Variants in BMP6 observed in about 807,000 individuals in gnomAD.
BMP6 encodes the protein bone morphogenetic protein 6, also known as VG-1-R.
A neutral mutation model predicts 54.1 loss-of-function variants in BMP6; 17 were observed. The observed-to-expected ratio is 0.31, with a 90% CI of 0.22 to 0.47. The LOEUF is 0.47. Among genes scored for constraint, BMP6 ranks in the 20% least tolerant of loss-of-function variants. BMP6 has a pLI of 1.00. For missense variants in BMP6, 720 were observed against 690.4 expected, an observed-to-expected ratio of 1.04 and a Z score of -0.48; for synonymous variants, 328 against 291.2, an observed-to-expected ratio of 1.13 and a Z score of -1.28.
At chr6:7,782,353 CAG>C (rs1757960750) in intron 1 of BMP6, among the ~76,000 whole-genome samples, 1 of 152,138 alleles carries the variant, frequency 6.6e-6, no homozygotes, top group Non-Finnish European at 1.5e-5. Context: ...CTTTGGTTGA[CAG>C]AGTTCTGGAG....
intron 1 of BMP6, among the ~76,000 whole-genome samples, chr6:7,741,310 T>A (rs1267617116): frequency 6.7e-6 from 1 of 149,456 alleles, no homozygotes; most frequent in Admixed American, 6.7e-5. Context: ...TATTATTATT[T>A]TTGTAGAGAC....
chr6:7,822,229 A>G (rs1213937034), intron 1 of BMP6, among the ~76,000 whole-genome samples: 2 of 152,192 alleles, frequency 1.3e-5, no homozygotes, highest in Non-Finnish European at 2.9e-5. Flanking sequence ...CATGTCGGTC[A>G]GGCTGGTCTC....
intron 1 of BMP6, among the ~76,000 whole-genome samples, chr6:7,840,960 C>T (rs1198897200): frequency 6.6e-6 from 1 of 152,184 alleles, no homozygotes; most frequent in East Asian, 1.9e-4. Context: ...TCAGTCCTAT[C>T]TGTAGACTCG....
chr6:7,770,010 A>G (rs1240673576), intron 1 of BMP6, among the ~76,000 whole-genome samples: 1 of 152,222 alleles, frequency 6.6e-6, no homozygotes, highest in Non-Finnish European at 1.5e-5. Flanking sequence ...GGATGTAGTC[A>G]GATGAGGTTG....
rs140742413 is a variant in BMP6 at position 7,879,600 on chromosome 6, T to C, written c.1282-391T>C. ...CTCGTACCTGAGAACCATCACTAGT[T>C]TGTAAGAAAGGCAGCAACTTTAATC... On this transcript the variant is annotated intron_variant, in intron 5 of 6. Transcript: ENST00000283147. 1.6e-3 allele frequency among the ~76,000 whole-genome samples: 244 copies of C among 152,266 alleles called. 2 individuals carry two copies. Among genetic ancestry groups the C allele is most frequent in the African/African-American group, 5.4e-3 (224 of 41,554 alleles).
intron 1 of BMP6, among the ~76,000 whole-genome samples, chr6:7,827,280 A>C (rs982373941): frequency 6.6e-6 from 1 of 152,190 alleles, no homozygotes; most frequent in African/African-American, 2.4e-5. Flanking sequence ...TTAAGTGAGC[A>C]GTTTAGCTTG....
intron 1 of BMP6, among the ~76,000 whole-genome samples, chr6:7,763,900 A>G (rs1757648563): frequency 6.6e-6 from 1 of 152,230 alleles, no homozygotes; most frequent in Admixed American, 6.5e-5. Flanking sequence ...GGACCAATAT[A>G]TTGTGTAGTC....
Position 7,862,365 on chromosome 6 carries a change from C to T in BMP6, c.1071C>T (p.Pro357=), listed in dbSNP as rs1158988373. 6.2e-7 allele frequency: 1 copy of T among 1,614,226 alleles called. No homozygotes were observed. Among genetic ancestry groups the T allele is most frequent in the South Asian group, 1.1e-5 (1 of 91,082 alleles). ...VGRDGPYDKQ[P]FMVAFFKVSE... ...GAGACGGCCCTTACGACAAGCAGCC[C>T]TTCATGGTGGCTTTCTTCAAAGTGA... Residue 357 remains proline (P), a synonymous_variant, in exon 4 of 7, where the codon CCC becomes CCT. Transcript: ENST00000283147.
At chr6:7,788,539 T>G (rs1006009128) in intron 1 of BMP6, among the ~76,000 whole-genome samples, 2 of 152,172 alleles carry the variant, frequency 1.3e-5, no homozygotes, top group African/African-American at 4.8e-5. Context: ...TAAACTTGGA[T>G]AGTTTTAAAG....
intron 4 of BMP6, among the ~76,000 whole-genome samples, chr6:7,874,928 G>GATATAT (rs58104001): frequency 1.3e-5 from 2 of 151,446 alleles, no homozygotes; most frequent in African/African-American, 2.4e-5. Context: ...GATATATGGA[G>GATATAT]ATATATATAT....
chr6:7,853,923 G>A (rs746833985), intron 2 of BMP6, among the ~76,000 whole-genome samples: 1 of 150,708 alleles, frequency 6.6e-6, no homozygotes, highest in African/African-American at 2.4e-5. Flanking sequence ...AAAAAAGACT[G>A]CTCAAGGAGC....
chr6:7,759,193 CATAT>C (rs1384734820), intron 1 of BMP6, among the ~76,000 whole-genome samples: 4 of 148,944 alleles, frequency 2.7e-5, no homozygotes, highest in Non-Finnish European at 1.5e-5. Flanking sequence ...TCCTCATTAC[CATAT>C]ATGTATGTAT....
intron 1 of BMP6, among the ~76,000 whole-genome samples, chr6:7,813,589 G>A (rs1345061773): frequency 1.4e-5 from 2 of 141,064 alleles, no homozygotes; most frequent in Admixed American, 1.5e-4. Context: ...GGTCCAGTGA[G>A]CTGTGATCAC....
chr6:7,788,846 C>T (rs1758053443), intron 1 of BMP6, among the ~76,000 whole-genome samples: 1 of 151,522 alleles, frequency 6.6e-6, no homozygotes, highest in Non-Finnish European at 1.5e-5. Context: ...AAGATCCCTC[C>T]CACCCCTTAT....
chr6:7,767,929 G>T (rs1164427196), intron 1 of BMP6, among the ~76,000 whole-genome samples: 3 of 152,190 alleles, frequency 2.0e-5, no homozygotes, highest in African/African-American at 7.2e-5. Flanking sequence ...TTAGGTCTGG[G>T]TCTCTAATGA....
At chr6:7,729,799 T>TA (rs928328909) in intron 1 of BMP6, among the ~76,000 whole-genome samples, 6 of 152,240 alleles carry the variant, frequency 3.9e-5, no homozygotes, top group South Asian at 2.1e-4. Context: ...GGGAACGCCT[T>TA]AAAAAAACCC....
At chr6:7,869,194 C>T (rs1759480136) in intron 4 of BMP6, among the ~76,000 whole-genome samples, 1 of 152,240 alleles carries the variant, frequency 6.6e-6, no homozygotes, top group Non-Finnish European at 1.5e-5. Flanking sequence ...GCCTGAGAGT[C>T]AGGATGGTGG....
At chr6:7,781,335 C>CATCAGAGGGGGATT (rs1457748881) in intron 1 of BMP6, among the ~76,000 whole-genome samples, 7 of 151,696 alleles carry the variant, frequency 4.6e-5, no homozygotes, top group East Asian at 1.9e-4. Flanking sequence ...CTCGTTCATA[C>CATCAGAGGGGGATT]GTACCATGCC....
At chr6:7,770,223 A>G (rs779594465) in intron 1 of BMP6, among the ~76,000 whole-genome samples, 3 of 152,248 alleles carry the variant, frequency 2.0e-5, no homozygotes, top group Non-Finnish European at 2.9e-5. Context: ...AAATGGGAAA[A>G]TAAGCCACAT....
Sources: allele counts gnomAD v4.1 joint callset (sites outside exome capture counted in the v4.1 genomes callset), GRCh38; gene constraint gnomAD v4.1.1; transcripts MANE v1.5; gene names NCBI Gene and HGNC (gene_info 2026-07-23, HGNC 2026-07-21).